Variants in CREB3L3 observed in about 807,000 individuals in gnomAD.
CREB3L3 encodes the protein cAMP responsive element binding protein 3 like 3, also known as cyclic AMP-responsive element-binding protein 3-like protein 3.
In CREB3L3, 40 loss-of-function variants were observed where a neutral mutation model predicts 44.6. That is an observed-to-expected ratio of 0.90 (90% CI 0.70 to 1.17). The LOEUF is 1.17. Among genes scored for constraint, CREB3L3 ranks in the 50% most tolerant of loss-of-function variants. The pLI, the probability that CREB3L3 is intolerant of heterozygous loss-of-function variation, is 0.00. For synonymous variants in CREB3L3, 273 were observed against 256.3 expected (o/e 1.06, Z -0.62); for missense variants, 578 against 595.8 (o/e 0.97, Z 0.31).
At chr19:4,165,230 C>G (rs963616325) in intron 5 of CREB3L3, among the ~76,000 whole-genome samples, 1 of 151,150 alleles carries the variant, frequency 6.6e-6, no homozygotes, top group Admixed American at 6.6e-5. Context: ...TGCAGTGGTG[C>G]CATCATAGCT....
In CREB3L3 at chr19:4,157,225, C is replaced by T. The variant is rs768318738; in HGVS notation, c.387C>T (p.Gly129=). 1 of 1,614,146 alleles carries T rather than the reference C, an allele frequency of 6.2e-7. No homozygotes were observed. The highest frequency in any genetic ancestry group is 1.1e-5 in the South Asian group (1 of 91,072). The change falls in exon 3 of 10, where the codon GGC becomes GGT. Residue 129 remains glycine, a synonymous_variant. Coordinates refer to ENST00000078445, the MANE Select transcript of CREB3L3 (RefSeq NM_032607.3). ...GGCCCTGCCTCTCCTATCATCCTGG[C>T]AACTCTTGCTCCACCACAACCCCAG... ...GKGPCLSYHP[G]NSCSTTTPGP... is the part of the protein sequence containing the mutation.
At position 4,171,850 on chromosome 19, in the gene CREB3L3, C is replaced by A; in HGVS notation, c.1267C>A (p.Leu423Met). 6.2e-7 allele frequency: 1 copy of A among 1,613,628 alleles called. No homozygotes were observed. Among genetic ancestry groups the A allele is most frequent in the South Asian group, 1.1e-5 (1 of 91,090 alleles). ...GACGGAGGAGCTGGACAACGCCACC[C>A]TGGTCCTGAGGAATGCAACAGAGGG... ...NSTEELDNAT[L>M]VLRNATEGLG... The change falls in exon 10 of 10, where the codon CTG becomes ATG. Residue 423 changes from leucine (L) to methionine (M), a missense_variant. Transcript: ENST00000078445. The surrounding 1 kb of genome is among the most constrained non-coding windows in gnomAD (Gnocchi z 4.9).
At chr19:4,169,996 C>G (rs1967006950) in intron 6 of CREB3L3, 144 bp from the exon 7 acceptor site, 8 of 790,296 alleles carry the variant, frequency 1.0e-5, no homozygotes, top group Non-Finnish European at 1.8e-5. Flanking sequence ...CCTGTCTGAC[C>G]TGCCGAGTAA....
chr19:4,157,337 C>A, intron 3 of CREB3L3, 42 bp downstream of exon 3: 1 of 1,601,710 alleles, frequency 6.2e-7, no homozygotes, highest in Non-Finnish European at 8.6e-7. Context: ...TCACCTTGTT[C>A]CAGGGCCCTT....
At position 4,164,603 on chromosome 19, in the gene CREB3L3, A is replaced by G. The variant is rs767993593; in HGVS notation, c.677A>G (p.Glu226Gly). Reference sequence around the variant, plus strand: ...GATGAGAAGAAGCTGCTGGCTAAAGAAGGCATCACCCTGCCCACTCAGCTG... The same window carrying G: ...GATGAGAAGAAGCTGCTGGCTAAAGGAGGCATCACCCTGCCCACTCAGCTG... ...TEDEKKLLAK[E>G]GITLPTQLPL... The change falls in exon 5 of 10, where the codon GAA (glutamate) becomes GGA (glycine). Residue 226 changes from glutamate to glycine, a missense_variant. Transcript: ENST00000078445. 1 of 1,614,100 alleles carries G rather than the reference A, an allele frequency of 6.2e-7. No individual in the cohort carries two copies. Among genetic ancestry groups the G allele is most frequent in the South Asian group, 1.1e-5 (1 of 91,082 alleles).
chr19:4,157,427 AC>A (rs1432204042), intron 3 of CREB3L3, 132 bp downstream of exon 3: 2 of 994,462 alleles, frequency 2.0e-6, no homozygotes, highest in African/African-American at 1.6e-5. Flanking sequence ...CTGGGCCCAG[AC>A]TCAAACTCAG....
Position 4,170,064 on chromosome 19 carries a change from G to T in CREB3L3, c.822-76G>T, listed in dbSNP as rs1030062199. 14 of 1,383,496 alleles carry T rather than the reference G, an allele frequency of 1.0e-5. No homozygotes were observed. The East Asian group carries it at 3.2e-4, about 32-fold the overall frequency. The allele number at this position is 1,383,496 out of a possible 1,614,324, so 85.7% of individuals were successfully genotyped here. On this transcript the variant is annotated intron_variant, in intron 6 of 9. Transcript: ENST00000078445. ...GGGTTCTCTTGGCTTGTAACGTGAGGCCTCTGGGGGAGATGTCAGTGGGGC... is the reference window on the plus strand; with the variant it reads ...GGGTTCTCTTGGCTTGTAACGTGAGTCCTCTGGGGGAGATGTCAGTGGGGC...
chr19:4,165,804 GA>G (rs1966892579), intron 5 of CREB3L3, among the ~76,000 whole-genome samples: 2 of 152,176 alleles, frequency 1.3e-5, no homozygotes, highest in South Asian at 4.2e-4. Context: ...TTGAACCCGG[GA>G]GGTGGAGGTT....
At chr19:4,154,817 A>T in intron 1 of CREB3L3, 82 bp from the exon 2 acceptor site, 1 of 1,602,468 alleles carries the variant, frequency 6.2e-7, no homozygotes, top group Non-Finnish European at 8.5e-7. Flanking sequence ...CTCTAGCCGG[A>T]AAGAGCCAGG....
chr19:4,172,160 C>T lies in CREB3L3; in HGVS notation c.*191C>T. 1 of 646,400 alleles carries T rather than the reference C, an allele frequency of 1.5e-6. No individual in the cohort carries two copies. Among genetic ancestry groups the T allele is most frequent in the Non-Finnish European group, 2.6e-6 (1 of 380,046 alleles). 40.0% of individuals were successfully genotyped at this position (646,400 alleles called of 1,614,324 possible). ...GCCCACGCAGGAACCGACACTCAGA[C>T]ACAAGGCAAAGAGGGCCACAGGACC... On this transcript the variant is annotated 3_prime_UTR_variant, in exon 10 of 10. Transcript: ENST00000078445.
Position 4,171,836 on chromosome 19 carries a change from T to A in CREB3L3, c.1253T>A (p.Leu418Gln). 2.5e-6 allele frequency: 4 copies of A among 1,613,588 alleles called. No homozygotes were observed. Among genetic ancestry groups the A allele is most frequent in the Non-Finnish European group, 3.4e-6 (4 of 1,179,990 alleles). Residue 418 changes from leucine to glutamine, a missense_variant, in exon 10 of 10, where the codon CTG becomes CAG. By Grantham distance (113) the Leu-to-Gln change is moderately radical. Transcript: ENST00000078445. The surrounding 1 kb of genome is among the most constrained non-coding windows in gnomAD (Gnocchi z 4.9). The part of the protein sequence containing the change: ...TANLTNSTEE[L>Q]DNATLVLRNA... The stretch of plus-strand genomic sequence containing the variant: ...AACCTGACCAATTCGACGGAGGAGC[T>A]GGACAACGCCACCCTGGTCCTGAGG...
chr19:4,166,581 A>G (rs578083813), intron 5 of CREB3L3, among the ~76,000 whole-genome samples: 48 of 147,744 alleles, frequency 3.2e-4, no homozygotes, highest in Non-Finnish European at 6.7e-4. Context: ...TTTTCCTTAG[A>G]GACAGGGTCT....
chr19:4,168,527 TA>T, intron 6 of CREB3L3, 70 bp downstream of exon 6: 1 of 1,220,768 alleles, frequency 8.2e-7, no homozygotes, highest in Non-Finnish European at 1.2e-6. Context: ...GAGATGTGGC[TA>T]AGGCCACACA....
At chr19:4,169,372 C>T (rs1040268425) in intron 6 of CREB3L3, among the ~76,000 whole-genome samples, 6 of 151,582 alleles carry the variant, frequency 4.0e-5, no homozygotes, top group East Asian at 2.0e-4. Flanking sequence ...CCCAGCTACT[C>T]GGGAGGCTGA....
In CREB3L3 at chr19:4,172,741, C is replaced by A. The variant is rs1967086252; in HGVS notation, c.*772C>A. The A allele has an allele frequency of 2.6e-5, 5 of 191,780 alleles. No homozygotes were observed. The highest frequency in any genetic ancestry group is 1.5e-4 in the South Asian group (2 of 13,226). 11.9% of individuals were successfully genotyped at this position (191,780 alleles called of 1,614,324 possible). On this transcript the variant is annotated 3_prime_UTR_variant, in exon 10 of 10. Transcript: ENST00000078445. ...CTGAAACAGACCCAGACAGACAGAC[C>A]GACGCAGCCTGAAAGAGACCCAGAC...
At position 4,171,091 on chromosome 19, in the gene CREB3L3, G is replaced by T. The variant is rs146863959; in HGVS notation, c.891G>T (p.Leu297=). The T allele has an allele frequency of 5.0e-5, 80 of 1,613,634 alleles. No individual in the cohort carries two copies. In the East Asian group the frequency reaches 1.6e-3, roughly 32 times the overall value. The change falls in exon 8 of 10, where the codon CTG becomes CTT. Residue 297 remains leucine (L), a splice_region_variant and synonymous_variant. Coordinates refer to ENST00000078445, the MANE Select transcript of CREB3L3 (RefSeq NM_032607.3). The surrounding 1 kb of genome is among the most constrained non-coding windows in gnomAD (Gnocchi z 4.9). ...GCGGAGGCCTGCCTGTCTCTCTAAGGTCCCTCTTGGAGCAACTGAAGAAAC... is the reference window on the plus strand; with the variant it reads ...GCGGAGGCCTGCCTGTCTCTCTAAGTTCCCTCTTGGAGCAACTGAAGAAAC... ...RKVLHLEKQN[L]SLLEQLKKLQ... is the part of the protein sequence containing the mutation.
intron 3 of CREB3L3, 149 bp downstream of exon 3, chr19:4,157,444 G>C (rs147326476): frequency 1.2e-6 from 1 of 850,714 alleles, no homozygotes; most frequent in Non-Finnish European, 1.9e-6. Context: ...CTCAGGACAC[G>C]TGTCTCCCTT....
At chr19:4,167,973 T>TTTTATTTTA (rs1966954929) in intron 5 of CREB3L3, among the ~76,000 whole-genome samples, 1 of 144,848 alleles carries the variant, frequency 6.9e-6, no homozygotes, top group South Asian at 2.2e-4. Flanking sequence ...ATTTTAATTA[T>TTTTATTTTA]TTTATTTATT....
intron 6 of CREB3L3, among the ~76,000 whole-genome samples, chr19:4,168,794 C>T (rs897562935): frequency 7.2e-5 from 11 of 152,198 alleles, no homozygotes; most frequent in East Asian, 1.9e-4. Context: ...TGCAGTGGTG[C>T]GATCTTGGCT....
Sources: gnomAD v4.1 joint callset for allele counts (sites outside exome capture counted in the v4.1 genomes callset) on GRCh38, gnomAD v4.1.1 for gene constraint, Gnocchi (gnomAD v3.1) non-coding constraint, MANE v1.5 for transcripts, NCBI Gene and HGNC (gene_info 2026-07-23, HGNC 2026-07-21) for gene names.